RNF150: variants seen among roughly 807,000 people sequenced by gnomAD.
RNF150 encodes ring finger protein 150.
Under a neutral mutation model 39.3 loss-of-function variants are expected in RNF150, and 24 were observed. The observed-to-expected ratio is 0.61, with a 90% CI of 0.44 to 0.86. The LOEUF (loss-of-function observed/expected upper bound fraction) is 0.86. Ranked by LOEUF, RNF150 falls within the 40% of genes least tolerant of loss-of-function variation. RNF150 has a pLI of 0.00. For synonymous variants in RNF150, 255 were observed against 227.3 expected (o/e 1.12, Z -1.10); for missense variants, 502 against 587.8 (o/e 0.85, Z 1.51).
intron 1 of RNF150, among the ~76,000 whole-genome samples, chr4:141,151,405 TACAGACACACACACACACACACACACAC>T (rs1382382373): frequency 2.2e-5 from 3 of 135,346 alleles, no homozygotes; most frequent in African/African-American, 8.5e-5. Context: ...ACCCCATCTC[TACAGACACACACACACACACACACACAC>T]ACACACACAC....
intron 1 of RNF150, among the ~76,000 whole-genome samples, chr4:141,013,577 A>G (rs575844270): frequency 5.5e-4 from 84 of 152,290 alleles, no homozygotes; most frequent in Middle Eastern, 6.8e-3. Context: ...CTGTATCTTC[A>G]AATATTTGCT....
chr4:141,053,792 T>C, intron 1 of RNF150: 1 of 882,430 alleles, frequency 1.1e-6, no homozygotes, highest in Non-Finnish European at 1.6e-6. Flanking sequence ...TCATTTCCTC[T>C]GCTAAAGCTA....
chr4:141,153,250 G>A (rs1192961093), intron 1 of RNF150, among the ~76,000 whole-genome samples: 1 of 152,138 alleles, frequency 6.6e-6, no homozygotes, highest in Non-Finnish European at 1.5e-5. Flanking sequence ...TTCGTTTATT[G>A]AAGTCCTAAC....
chr4:141,022,706 A>C (rs1735541671), intron 1 of RNF150, among the ~76,000 whole-genome samples: 1 of 152,220 alleles, frequency 6.6e-6, no homozygotes, highest in Non-Finnish European at 1.5e-5. Flanking sequence ...AAAATGTTGG[A>C]GAAAAACTAC....
intron 1 of RNF150, among the ~76,000 whole-genome samples, chr4:141,009,544 C>T (rs1219557002): frequency 6.6e-6 from 1 of 152,052 alleles, no homozygotes; most frequent in Admixed American, 6.5e-5. Flanking sequence ...AGGTTACTTG[C>T]TAGGAGGACT....
intron 1 of RNF150, among the ~76,000 whole-genome samples, chr4:141,058,302 G>GT (rs1737071335): frequency 6.6e-6 from 1 of 151,994 alleles, no homozygotes; most frequent in Non-Finnish European, 1.5e-5. Flanking sequence ...AGAGGAGTGG[G>GT]GAGGGTGAAG....
At chr4:140,946,034 A>T (rs1229425618) in intron 4 of RNF150, among the ~76,000 whole-genome samples, 1 of 152,234 alleles carries the variant, frequency 6.6e-6, no homozygotes, top group African/African-American at 2.4e-5. Context: ...CACTAAGTGT[A>T]TGTAATAACT....
chr4:140,949,610 G>A (rs996396913), intron 2 of RNF150, among the ~76,000 whole-genome samples: 16 of 151,982 alleles, frequency 1.1e-4, no homozygotes, highest in Non-Finnish European at 2.4e-4. Flanking sequence ...AGTTAAGCAA[G>A]TGCATGTGAC....
chr4:140,979,198 A>G (rs1177941989), intron 1 of RNF150, among the ~76,000 whole-genome samples: 3 of 152,240 alleles, frequency 2.0e-5, no homozygotes, highest in Non-Finnish European at 2.9e-5. Flanking sequence ...AAAAATCTGC[A>G]TGTAAACAGA....
At chr4:141,087,957 ATG>A (rs1560731855) in intron 1 of RNF150, among the ~76,000 whole-genome samples, 1 of 152,114 alleles carries the variant, frequency 6.6e-6, no homozygotes, top group Non-Finnish European at 1.5e-5. Flanking sequence ...ATTTGAGGAC[ATG>A]TGCCTGCCCT....
At chr4:140,929,053 G>A (rs1447350602) in intron 4 of RNF150, among the ~76,000 whole-genome samples, 1 of 152,164 alleles carries the variant, frequency 6.6e-6, no homozygotes, top group East Asian at 1.9e-4. Context: ...CTCACCAACT[G>A]GTGTTGCTCC....
chr4:141,137,667 G>A (rs1289968301), upstream of RNF150, among the ~76,000 whole-genome samples: 1 of 152,174 alleles, frequency 6.6e-6, no homozygotes, highest in Non-Finnish European at 1.5e-5. Flanking sequence ...CATGCAGTTT[G>A]CTTCAGCATT....
intron 1 of RNF150, among the ~76,000 whole-genome samples, chr4:140,982,929 T>C (rs1733907226): frequency 6.6e-6 from 1 of 152,150 alleles, no homozygotes; most frequent in African/African-American, 2.4e-5. Context: ...TCATAAGCAT[T>C]ATAGACTTGT....
At chr4:140,925,946 A>G in intron 5 of RNF150, 31 bp downstream of exon 5, 1 of 1,468,492 alleles carries the variant, frequency 6.8e-7, no homozygotes, top group Non-Finnish European at 9.5e-7. Context: ...AAAGACAGAC[A>G]TTATAATGCT....
At chr4:141,194,510 A>G (rs1196408350) in intron 1 of RNF150, among the ~76,000 whole-genome samples, 1 of 152,208 alleles carries the variant, frequency 6.6e-6, no homozygotes, top group African/African-American at 2.4e-5. Context: ...AACTTTTAGC[A>G]TAAATGGAGA....
chr4:140,949,447 AC>A, intron 2 of RNF150, 75 bp from the exon 3 acceptor site: 1 of 1,237,424 alleles, frequency 8.1e-7, no homozygotes, highest in Non-Finnish European at 1.2e-6. Context: ...CATTTAATAC[AC>A]CAGGGCAGCT....
At chr4:140,999,985 A>AAAGAAG (rs1734552588) in intron 1 of RNF150, among the ~76,000 whole-genome samples, 1 of 38,952 alleles carries the variant, frequency 2.6e-5, no homozygotes, top group Non-Finnish European at 5.7e-5. Flanking sequence ...GAAAAGAAGA[A>AAAGAAG]AAGAAGAAAA....
intron 1 of RNF150, among the ~76,000 whole-genome samples, chr4:140,979,660 C>T (rs1733788354): frequency 6.6e-6 from 1 of 151,834 alleles, no homozygotes; most frequent in African/African-American, 2.4e-5. Flanking sequence ...TTGGCTTCCA[C>T]TGGGGTCCAG....
At chr4:141,210,782 A>T (rs1251915850) in intron 1 of RNF150, among the ~76,000 whole-genome samples, 1 of 151,602 alleles carries the variant, frequency 6.6e-6, no homozygotes, top group African/African-American at 2.4e-5. Context: ...CTCCAATTTT[A>T]TTCTGGCTTG....
Sources: gnomAD v4.1 joint callset for allele counts (sites outside exome capture counted in the v4.1 genomes callset) on GRCh38, gnomAD v4.1.1 for gene constraint, MANE v1.5 for transcripts, NCBI Gene and HGNC (gene_info 2026-07-23, HGNC 2026-07-21) for gene names.